TENM3: variants seen among roughly 807,000 people sequenced by gnomAD.
TENM3 encodes the protein teneurin-3.
A neutral mutation model predicts 255.1 loss-of-function variants in TENM3; 63 were observed. The observed-to-expected ratio is 0.25, with a 90% CI of 0.20 to 0.30. TENM3 has a LOEUF of 0.30. TENM3 is among the 10% of genes least tolerant of loss of function. TENM3 has a pLI of 1.00. For synonymous variants in TENM3, 1,306 were observed against 1,322.3 expected (o/e 0.99, Z 0.27); for missense variants, 2,929 against 3,461.1 (o/e 0.85, Z 3.86).
chr4:182,727,053 G>A (rs926474733), intron 13 of TENM3, among the ~76,000 whole-genome samples: 1 of 152,026 alleles, frequency 6.6e-6, no homozygotes, highest in African/African-American at 2.4e-5. Context: ...TACTTAAGTT[G>A]GAAGATTTTA....
At chr4:182,658,707 G>C (rs1227820546) in intron 6 of TENM3, among the ~76,000 whole-genome samples, 1 of 152,198 alleles carries the variant, frequency 6.6e-6, no homozygotes, top group African/African-American at 2.4e-5. Flanking sequence ...GAATTGGCCA[G>C]GTACTTCTTG....
chr4:182,290,232 T>C (rs991770295), intron 1 of TENM3, among the ~76,000 whole-genome samples: 23 of 152,142 alleles, frequency 1.5e-4, no homozygotes, highest in African/African-American at 5.3e-4. Flanking sequence ...GAATGAGTGA[T>C]GAGTGAACGA....
intron 1 of TENM3, among the ~76,000 whole-genome samples, chr4:182,159,302 C>T (rs1480262883): frequency 1.3e-5 from 2 of 152,188 alleles, no homozygotes; most frequent in East Asian, 3.9e-4. Context: ...TGAAGTCCAT[C>T]TGTACCATGA....
chr4:181,637,967 A>G, the TENM3 span, among the ~76,000 whole-genome samples: 1 of 152,152 alleles, frequency 6.6e-6, no homozygotes, highest in East Asian at 1.9e-4. Flanking sequence ...GCTGTAGTTC[A>G]TCAGTAGAAG....
chr4:182,491,389 A>ATGTCTGTG (rs1554075342), intron 3 of TENM3, among the ~76,000 whole-genome samples: 1 of 150,800 alleles, frequency 6.6e-6, no homozygotes, highest in Non-Finnish European at 1.5e-5. Context: ...AGTGAAATTT[A>ATGTCTGTG]TGTGTGTGTG....
At chr4:182,738,374 A>G (rs755919453) in intron 17 of TENM3, 27 bp from the exon 18 acceptor site, 1 of 1,552,866 alleles carries the variant, frequency 6.4e-7, no homozygotes, top group Non-Finnish European at 8.7e-7. Flanking sequence ...CGTTGGAAAG[A>G]TGAGCTGTGA....
chr4:182,798,196 A>C (rs1766637216), intron 27 of TENM3, among the ~76,000 whole-genome samples: 1 of 152,042 alleles, frequency 6.6e-6, no homozygotes, highest in South Asian at 2.1e-4. Context: ...TTGTAGAGAT[A>C]AGAGTCTCCC....
At chr4:182,367,699 G>T (rs562351935) in intron 3 of TENM3, among the ~76,000 whole-genome samples, 12 of 152,272 alleles carry the variant, frequency 7.9e-5, no homozygotes, top group Non-Finnish European at 1.2e-4. Context: ...ACTGTCATCT[G>T]CACAATTACA....
chr4:181,561,430 A>G, the TENM3 span, among the ~76,000 whole-genome samples: 1 of 152,306 alleles, frequency 6.6e-6, no homozygotes, highest in Non-Finnish European at 1.5e-5. Flanking sequence ...TTGTTTCCTG[A>G]TTACAAAATA....
At chr4:181,867,606 G>A in the TENM3 span, among the ~76,000 whole-genome samples, 4 of 152,202 alleles carry the variant, frequency 2.6e-5, no homozygotes, top group African/African-American at 4.8e-5. Flanking sequence ...TGCAAAGATA[G>A]CAATTGCTTG....
chr4:182,712,226 T>C (rs1758801217), intron 12 of TENM3, among the ~76,000 whole-genome samples: 1 of 152,140 alleles, frequency 6.6e-6, no homozygotes, highest in Non-Finnish European at 1.5e-5. Flanking sequence ...ATCGTAGAAA[T>C]AGATGGAAAA....
the TENM3 span, among the ~76,000 whole-genome samples, chr4:181,598,580 C>A: frequency 6.6e-6 from 1 of 151,270 alleles, no homozygotes; most frequent in African/African-American, 2.4e-5. Flanking sequence ...CAAAGGTAAA[C>A]ATCTGAAACT....
chr4:182,049,127 G>C, the TENM3 span, among the ~76,000 whole-genome samples: 4 of 152,102 alleles, frequency 2.6e-5, no homozygotes, highest in Non-Finnish European at 5.9e-5. Context: ...GCTGGCTTCT[G>C]TGTGTGTCTC....
At chr4:182,263,825 G>C (rs1190273450) in intron 1 of TENM3, among the ~76,000 whole-genome samples, 1 of 152,182 alleles carries the variant, frequency 6.6e-6, no homozygotes, top group African/African-American at 2.4e-5. Flanking sequence ...AGATGACGGG[G>C]CTCACCCATC....
At chr4:182,773,338 A>G in intron 22 of TENM3, 134 bp from the exon 23 acceptor site, 1 of 767,016 alleles carries the variant, frequency 1.3e-6, no homozygotes, top group Non-Finnish European at 2.0e-6. Flanking sequence ...TGAAGTCTTC[A>G]CTCTGCATCG....
intron 3 of TENM3, among the ~76,000 whole-genome samples, chr4:182,590,843 G>T (rs1257382952): frequency 7.2e-6 from 1 of 139,124 alleles, no homozygotes; most frequent in Non-Finnish European, 1.6e-5. Context: ...GCGAGACTCC[G>T]TCTCAAAAGA....
At chr4:182,038,953 G>A in the TENM3 span, among the ~76,000 whole-genome samples, 27 of 151,968 alleles carry the variant, frequency 1.8e-4, no homozygotes, top group Non-Finnish European at 1.0e-4. Context: ...GGCTGGTCTC[G>A]AACTCCTGAC....
chr4:182,141,253 C>G (rs950933123), upstream of TENM3: 3 of 152,218 alleles, frequency 2.0e-5, no homozygotes, highest in Non-Finnish European at 4.4e-5. Flanking sequence ...AAACAGACAG[C>G]GATGTCTTGC....
chr4:182,790,981 A>T (rs1040870596), intron 25 of TENM3, among the ~76,000 whole-genome samples: 1 of 152,118 alleles, frequency 6.6e-6, no homozygotes, highest in Non-Finnish European at 1.5e-5. Flanking sequence ...CCCAAAACCC[A>T]TCAAATCCAC....
Sources: gnomAD v4.1 joint callset for allele counts (sites outside exome capture counted in the v4.1 genomes callset) on GRCh38, gnomAD v4.1.1 for gene constraint, MANE v1.5 for transcripts, NCBI Gene and HGNC (gene_info 2026-07-23, HGNC 2026-07-21) for gene names.